SATB1: variants seen among roughly 807,000 people sequenced by gnomAD.
SATB1 encodes SATB homeobox 1.
A neutral mutation model predicts 86.9 loss-of-function variants in SATB1; 11 were observed. The ratio of observed to expected loss-of-function variants is 0.13; its 90% confidence interval spans 0.08 to 0.21. SATB1 has a LOEUF of 0.21. Ranked by LOEUF, SATB1 falls within the 10% of genes least tolerant of loss-of-function variation. The pLI is 1.00. For missense variants in SATB1, 551 were observed against 937.6 expected (o/e 0.59, Z 5.39); for synonymous variants, 357 against 357.2 (o/e 1.00, Z 0.01).
chr3:18,377,919 T>C (rs9849722), intron 9 of SATB1, among the ~76,000 whole-genome samples: 91,723 of 152,000 alleles, frequency 0.6, 28,263 homozygotes, highest in East Asian at 0.93. Flanking sequence ...GATATCCTTC[T>C]CAAAATACCT....
intron 2 of SATB1, chr3:18,417,747 A>G: frequency 1.5e-6 from 1 of 682,778 alleles, no homozygotes; most frequent in Non-Finnish European, 2.6e-6. Context: ...TACTCATTTA[A>G]CCTACCTAAC....
chr3:18,369,163 A>T (rs75290799), intron 9 of SATB1, among the ~76,000 whole-genome samples: 8 of 87,876 alleles, frequency 9.1e-5, no homozygotes, highest in Non-Finnish European at 1.2e-4. Context: ...ACTTTGCATT[A>T]AAAAAAAAAA....
chr3:18,411,401 G>A (rs576470242), intron 5 of SATB1, among the ~76,000 whole-genome samples: 15 of 152,100 alleles, frequency 9.9e-5, no homozygotes, highest in African/African-American at 3.6e-4. Context: ...ACATTACGCT[G>A]GTAGAAGTAA....
At chr3:18,362,552 C>CAA (rs372427066) in intron 9 of SATB1, among the ~76,000 whole-genome samples, 1 of 146,656 alleles carries the variant, frequency 6.8e-6, no homozygotes, top group African/African-American at 2.5e-5. Flanking sequence ...TTTCTGTATT[C>CAA]AAAAAAAAAA....
intron 9 of SATB1, among the ~76,000 whole-genome samples, chr3:18,354,244 C>A (rs991969083): frequency 1.3e-5 from 2 of 152,108 alleles, no homozygotes; most frequent in Non-Finnish European, 2.9e-5. Flanking sequence ...ATACATTTTC[C>A]TACAACTAAG....
chr3:18,399,448 G>A (rs1697137224), intron 5 of SATB1, among the ~76,000 whole-genome samples: 1 of 152,212 alleles, frequency 6.6e-6, no homozygotes, highest in Non-Finnish European at 1.5e-5. Flanking sequence ...AGTGGAAAAT[G>A]TATAGGGGAC....
At chr3:18,429,878 T>C (rs138993045), upstream of SATB1, among the ~76,000 whole-genome samples, 3 of 152,280 alleles carry the variant, frequency 2.0e-5, no homozygotes, top group South Asian at 2.1e-4. The surrounding 1 kb of genome is among the most constrained non-coding windows in gnomAD (Gnocchi z 4.1). Context: ...ACTGCCATAT[T>C]ACTAGGAATT....
intron 8 of SATB1, among the ~76,000 whole-genome samples, chr3:18,383,033 TG>T (rs1289512076): frequency 6.6e-6 from 1 of 152,234 alleles, no homozygotes; most frequent in Non-Finnish European, 1.5e-5. Context: ...AGTTAGGGTG[TG>T]AATCATTATC....
intron 9 of SATB1, among the ~76,000 whole-genome samples, chr3:18,376,043 A>G (rs1212487275): frequency 6.6e-6 from 1 of 152,172 alleles, no homozygotes; most frequent in Admixed American, 6.6e-5. Context: ...TTGCTGAAAT[A>G]GAGACCCATG....
At chr3:18,398,473 A>G (rs1056333534) in intron 5 of SATB1, among the ~76,000 whole-genome samples, 1 of 152,190 alleles carries the variant, frequency 6.6e-6, no homozygotes, top group African/African-American at 2.4e-5. Flanking sequence ...GAGGCAGTGA[A>G]CAACCAGAAA....
chr3:18,374,425 T>G (rs1695635433), intron 9 of SATB1, among the ~76,000 whole-genome samples: 1 of 152,212 alleles, frequency 6.6e-6, no homozygotes, highest in Non-Finnish European at 1.5e-5. Flanking sequence ...ACTAAATGTT[T>G]GATAAAATTC....
At chr3:18,369,577 C>T (rs1695358151) in intron 9 of SATB1, among the ~76,000 whole-genome samples, 1 of 152,044 alleles carries the variant, frequency 6.6e-6, no homozygotes, top group Admixed American at 6.6e-5. Context: ...TTAGTTACAC[C>T]ACATGTGGTT....
In SATB1 at chr3:18,349,446, T is replaced by C; in HGVS notation, c.2016A>G (p.Glu672=). 1.2e-6 allele frequency: 2 copies of C among 1,614,218 alleles called. No homozygotes were observed. Among genetic ancestry groups the C allele is most frequent in the Non-Finnish European group, 1.7e-6 (2 of 1,180,036 alleles). The change falls in exon 11 of 11, where the codon GAA becomes GAG. Residue 672 remains glutamate, a synonymous_variant. Transcript: ENST00000338745. The surrounding 1 kb of genome is among the most constrained non-coding windows in gnomAD (Gnocchi z 5.5). The part of the protein sequence containing the change: ...FIQDVGLYPD[E]EAIQTLSAQL... ...GGGCAGACAGAGTCTGGATGGCCTC[T>C]TCGTCAGGGTACAGGCCCACGTCTT...
chr3:18,385,450 G>A (rs1384979373), intron 8 of SATB1, among the ~76,000 whole-genome samples: 1 of 151,858 alleles, frequency 6.6e-6, no homozygotes, highest in African/African-American at 2.4e-5. Context: ...GTGAAACCCC[G>A]TCTCTACTAA....
chr3:18,438,273 G>T (rs1305545650), intron 1 of SATB1, among the ~76,000 whole-genome samples: 1 of 152,156 alleles, frequency 6.6e-6, no homozygotes, highest in Non-Finnish European at 1.5e-5. Flanking sequence ...TAGCTTCCAG[G>T]AAAACTGCAT....
intron 5 of SATB1, among the ~76,000 whole-genome samples, chr3:18,412,600 C>G (rs114402942): frequency 2.6e-5 from 4 of 152,066 alleles, no homozygotes; most frequent in African/African-American, 9.7e-5. Context: ...GAAGAAAGGG[C>G]TTAACACTTG....
At chr3:18,379,941 T>C (rs1329328832) in intron 8 of SATB1, among the ~76,000 whole-genome samples, 3 of 152,206 alleles carry the variant, frequency 2.0e-5, no homozygotes, top group Admixed American at 6.5e-5. Flanking sequence ...GATATATTAA[T>C]GACTGGAGGC....
upstream of SATB1, among the ~76,000 whole-genome samples, chr3:18,441,880 C>T (rs1333803383): frequency 6.6e-6 from 1 of 152,088 alleles, no homozygotes; most frequent in Non-Finnish European, 1.5e-5. Context: ...TATTTAATCA[C>T]AGGTTCATAT....
In SATB1 at chr3:18,397,399, T is replaced by C. The variant is rs564310300; in HGVS notation, c.640-109A>G. 36 of 682,188 alleles carry C rather than the reference T, an allele frequency of 5.3e-5. No individual in the cohort carries two copies. The South Asian group carries it at 6.1e-4, about 12-fold the overall frequency. 42.3% of individuals were successfully genotyped at this position (682,188 alleles called of 1,614,324 possible). A position where few individuals can be genotyped will look rare whatever the true frequency, so the allele number is the denominator to read the frequency against. ...ATTTTTTTAATCAACTGAGTACCAA[T>C]ACATTTTGGTTTCACACTTTAGCCT... On this transcript the variant is annotated intron_variant, in intron 5 of 10. Transcript: ENST00000338745.
Sources: gnomAD v4.1 joint callset for allele counts (sites outside exome capture counted in the v4.1 genomes callset) on GRCh38, gnomAD v4.1.1 for gene constraint, Gnocchi (gnomAD v3.1) non-coding constraint, MANE v1.5 for transcripts, NCBI Gene and HGNC (gene_info 2026-07-23, HGNC 2026-07-21) for gene names.